MBOAT1: variants seen among roughly 807,000 people sequenced by gnomAD.
The protein encoded by MBOAT1 is membrane-bound glycerophospholipid O-acyltransferase 1.
A neutral mutation model predicts 64.4 loss-of-function variants in MBOAT1; 67 were observed. That is an observed-to-expected ratio of 1.04 (90% confidence interval 0.85 to 1.27). The LOEUF (loss-of-function observed/expected upper bound fraction) is 1.27. Among genes scored for constraint, MBOAT1 ranks in the 50% most tolerant of loss-of-function variants. MBOAT1 has a pLI of 0.00. For synonymous variants in MBOAT1, 229 were observed against 218.9 expected, an observed-to-expected ratio of 1.05 and a Z score of -0.41; for missense variants, 563 against 604.6, an observed-to-expected ratio of 0.93 and a Z score of 0.72.
Position 20,179,860 on chromosome 6 carries a change from G to A in MBOAT1, c.100-27091C>T, listed in dbSNP as rs149898248. Among the ~76,000 whole-genome samples, 1,131 of 152,152 alleles carry A rather than the reference G, an allele frequency of 7.4e-3. 13 individuals are homozygous for A. The highest frequency in any genetic ancestry group is 0.025 in the African/African-American group (1,048 of 41,484). ...TTTTTAATAATAGCCATTCTGACTG[G>A]TATGAGATGCTATCTCATTGTGGTT... On this transcript the variant is annotated intron_variant, in intron 1 of 12. Transcript: ENST00000324607.
chr6:20,124,724 A>C (rs1050411687), intron 7 of MBOAT1, 124 bp from the exon 8 acceptor site: 3 of 783,082 alleles, frequency 3.8e-6, no homozygotes, highest in Middle Eastern at 3.9e-4. Flanking sequence ...CCCCAGAAGG[A>C]GTGACAACAG....
chr6:20,206,601 G>A (rs1420130950), intron 1 of MBOAT1, among the ~76,000 whole-genome samples: 3 of 152,172 alleles, frequency 2.0e-5, no homozygotes, highest in Non-Finnish European at 2.9e-5. Context: ...CAGACAGCAG[G>A]CCGGGTCACA....
At chr6:20,162,411 G>T (rs1420943904) in intron 1 of MBOAT1, among the ~76,000 whole-genome samples, 2 of 152,094 alleles carry the variant, frequency 1.3e-5, no homozygotes, top group Admixed American at 6.5e-5. Flanking sequence ...CACCAGAGAG[G>T]GTTCTCCCAG....
intron 1 of MBOAT1, among the ~76,000 whole-genome samples, chr6:20,176,823 C>T (rs975417400): frequency 6.6e-6 from 1 of 152,020 alleles, no homozygotes; most frequent in South Asian, 2.1e-4. Context: ...GGGGTTTCAT[C>T]ATGTTGGCCA....
intron 9 of MBOAT1, among the ~76,000 whole-genome samples, chr6:20,115,998 A>G (rs1760307682): frequency 6.6e-6 from 1 of 151,474 alleles, no homozygotes; most frequent in Admixed American, 6.6e-5. Flanking sequence ...CTCATTAGAA[A>G]AAAAAAAAGA....
At chr6:20,147,580 A>C (rs2113686155) in intron 3 of MBOAT1, among the ~76,000 whole-genome samples, 1 of 152,164 alleles carries the variant, frequency 6.6e-6, no homozygotes, top group Non-Finnish European at 1.5e-5. Flanking sequence ...CAGAGGTTGC[A>C]GTGAGCCAAG....
chr6:20,143,742 C>T (rs1485120547), intron 4 of MBOAT1, among the ~76,000 whole-genome samples: 2 of 151,992 alleles, frequency 1.3e-5, no homozygotes, highest in Admixed American at 6.6e-5. Context: ...GCACATGTAC[C>T]CCTAAATTTT....
At chr6:20,152,982 G>A (rs1484243493) in intron 1 of MBOAT1, among the ~76,000 whole-genome samples, 2 of 152,044 alleles carry the variant, frequency 1.3e-5, no homozygotes, top group African/African-American at 4.8e-5. Flanking sequence ...ACAGGCGCCC[G>A]CCACCACGCC....
intron 1 of MBOAT1, among the ~76,000 whole-genome samples, chr6:20,205,044 A>G (rs1304426676): frequency 1.3e-5 from 2 of 152,026 alleles, no homozygotes; most frequent in Non-Finnish European, 2.9e-5. Context: ...AAAAAATACA[A>G]AAAAATTAGC....
At chr6:20,198,251 GAAAAAAGA>G (rs1763018186) in intron 1 of MBOAT1, among the ~76,000 whole-genome samples, 2 of 150,360 alleles carry the variant, frequency 1.3e-5, no homozygotes, top group Non-Finnish European at 3.0e-5. Context: ...AAGAAAGAAA[GAAAAAAGA>G]AAAGAAAAAA....
intron 1 of MBOAT1, among the ~76,000 whole-genome samples, chr6:20,189,176 G>A (rs968172396): frequency 2.0e-5 from 3 of 152,180 alleles, no homozygotes; most frequent in African/African-American, 7.2e-5. Context: ...GACATTTTGA[G>A]ACTCATCTAC....
intron 1 of MBOAT1, among the ~76,000 whole-genome samples, chr6:20,175,515 C>T (rs369143608): frequency 8.0e-4 from 122 of 152,150 alleles, no homozygotes; most frequent in African/African-American, 2.8e-3. Context: ...AGCACAATCT[C>T]GGCTCACTGC....
In MBOAT1 at chr6:20,100,334, C is replaced by T. The variant is rs750330576; in HGVS notation, c.*1952G>A. 6.6e-6 allele frequency among the ~76,000 whole-genome samples: 1 copy of T among 152,090 alleles called. No homozygotes were observed. Among genetic ancestry groups the T allele is most frequent in the Non-Finnish European group, 1.5e-5 (1 of 68,016 alleles). ...GCAAGATGTACATTTTTCTTGGTCT[C>T]GTACCTCAAACTATTCTTGGTGGAG... On this transcript the variant is annotated 3_prime_UTR_variant, in exon 13 of 13. Transcript: ENST00000324607.
chr6:20,164,871 C>A (rs557369068), intron 1 of MBOAT1, among the ~76,000 whole-genome samples: 11 of 152,100 alleles, frequency 7.2e-5, no homozygotes, highest in Non-Finnish European at 1.3e-4. Context: ...GCCATATGAC[C>A]ATTTTGTGTT....
chr6:20,105,020 A>G (rs1022680418), intron 12 of MBOAT1, among the ~76,000 whole-genome samples: 1 of 152,206 alleles, frequency 6.6e-6, no homozygotes, highest in African/African-American at 2.4e-5. Flanking sequence ...CATCTAATCT[A>G]CTGTCTAAAC....
chr6:20,129,176 A>G (rs1227165627), intron 5 of MBOAT1, among the ~76,000 whole-genome samples: 2 of 152,178 alleles, frequency 1.3e-5, no homozygotes, highest in Non-Finnish European at 2.9e-5. Flanking sequence ...ACTTACTACA[A>G]GCTGAGAGCC....
At chr6:20,125,875 TCAC>T (rs767019737) in intron 7 of MBOAT1, 1 of 439,816 alleles carries the variant, frequency 2.3e-6, no homozygotes, top group Non-Finnish European at 4.5e-6. Flanking sequence ...TTTCCAATTT[TCAC>T]CACTCCTTTC....
At chr6:20,140,279 C>T (rs1761131453) in intron 4 of MBOAT1, among the ~76,000 whole-genome samples, 1 of 152,160 alleles carries the variant, frequency 6.6e-6, no homozygotes, top group South Asian at 2.1e-4. Flanking sequence ...GGGACCCAAC[C>T]TAGATTTAGA....
chr6:20,130,638 C>T (rs7752499), intron 5 of MBOAT1, among the ~76,000 whole-genome samples: 48,427 of 151,668 alleles, frequency 0.32, 8,011 homozygotes, highest in East Asian at 0.51. Flanking sequence ...CAGGTGTGAG[C>T]CACCGTGCCT....
Sources: gnomAD v4.1 joint callset for allele counts (sites outside exome capture counted in the v4.1 genomes callset) on GRCh38, gnomAD v4.1.1 for gene constraint, MANE v1.5 for transcripts, NCBI Gene and HGNC (gene_info 2026-07-23, HGNC 2026-07-21) for gene names.